The following MTMR3 variants were observed in gnomAD, a reference collection of about 807,000 sequenced individuals.
The protein encoded by MTMR3 is myotubularin related protein 3, also known as phosphatidylinositol-3,5-bisphosphate 3-phosphatase MTMR3.
In MTMR3, 32 loss-of-function variants were observed where a neutral mutation model predicts 132.4. That is an observed-to-expected ratio of 0.24 (90% confidence interval 0.18 to 0.32). MTMR3 has a LOEUF of 0.32. Ranked by LOEUF, MTMR3 falls within the 10% of genes least tolerant of loss-of-function variation. The pLI is 1.00. For synonymous variants in MTMR3, 556 were observed against 550.3 expected, an observed-to-expected ratio of 1.01 and a Z score of -0.14; for missense variants, 1,216 against 1,489.6, an observed-to-expected ratio of 0.82 and a Z score of 3.02.
At chr22:29,892,799 G>A (rs997143627) in intron 1 of MTMR3, among the ~76,000 whole-genome samples, 6 of 152,192 alleles carry the variant, frequency 3.9e-5, no homozygotes, top group Non-Finnish European at 8.8e-5. Context: ...AAAGAAATGA[G>A]ATAATTTATA....
intron 1 of MTMR3, among the ~76,000 whole-genome samples, chr22:29,930,560 C>T (rs1433660476): frequency 6.6e-6 from 1 of 152,060 alleles, no homozygotes; most frequent in African/African-American, 2.4e-5. Flanking sequence ...AGCGTGGTGG[C>T]ACATGTGTGT....
At chr22:29,897,944 A>G (rs1210979054) in intron 1 of MTMR3, among the ~76,000 whole-genome samples, 1 of 152,128 alleles carries the variant, frequency 6.6e-6, no homozygotes, top group Non-Finnish European at 1.5e-5. Flanking sequence ...TACTTTCTAT[A>G]ATTTGAAAAA....
chr22:29,897,566 C>T (rs1385579602), intron 1 of MTMR3, among the ~76,000 whole-genome samples: 4 of 152,026 alleles, frequency 2.6e-5, no homozygotes, highest in African/African-American at 9.7e-5. Flanking sequence ...GATTCTTGTG[C>T]CTCGGCCTTT....
chr22:29,956,454 C>G (rs1031887917), intron 1 of MTMR3, among the ~76,000 whole-genome samples: 1 of 152,012 alleles, frequency 6.6e-6, no homozygotes, highest in Non-Finnish European at 1.5e-5. Context: ...GCCATGTTCA[C>G]CAGGCTGGTC....
In MTMR3 at chr22:29,988,561, AGGTATGTGGTAT is replaced by A; in HGVS notation, c.293+7_293+18del. The A allele has an allele frequency of 6.2e-7, 1 of 1,607,676 alleles. No individual in the cohort carries two copies. Among genetic ancestry groups the A allele is most frequent in the Non-Finnish European group, 8.5e-7 (1 of 1,175,330 alleles). On this transcript the variant is annotated splice_donor_variant and splice_donor_5th_base_variant and coding_sequence_variant and intron_variant, in exon 6 of 20. Transcript: ENST00000401950. LOFTEE classifies it high-confidence loss of function. ...GACTTGCAAAGACTGCAAAGTTATC[AGGTATGTGGTAT>A]GGTATGTTTGTGTTGCTGTTTAGTG... is the stretch of plus-strand genomic sequence containing the variant.
intron 1 of MTMR3, among the ~76,000 whole-genome samples, chr22:29,941,723 G>T (rs576741679): frequency 2.2e-4 from 34 of 152,188 alleles, no homozygotes; most frequent in Admixed American, 1.4e-3. Flanking sequence ...GATAAGTAGA[G>T]ATTTTTAAAA....
Position 30,030,638 on chromosome 22 carries a change from C to CCG in MTMR3, c.*4837_*4838insCG, listed in dbSNP as rs777494343. On this transcript the variant is annotated 3_prime_UTR_variant, in exon 20 of 20. Transcript: ENST00000401950. ...AGAGGGGCTCTCAGCGAGGAGGGGG[C>CCG]GGGGGGGGGGTCACTATTTATCTTC... is the stretch of plus-strand genomic sequence containing the variant. 3 of 50,446 alleles carry CCG rather than the reference C, an allele frequency of 5.9e-5. No homozygotes were observed. The highest frequency in any genetic ancestry group is 1.5e-4 in the African/African-American group (2 of 13,068). The allele number at this position is 50,446 out of a possible 1,614,324, so 3.1% of individuals were successfully genotyped here.
chr22:29,883,638 C>G (rs2064600157), intron 1 of MTMR3, among the ~76,000 whole-genome samples: 1 of 152,144 alleles, frequency 6.6e-6, no homozygotes, highest in African/African-American at 2.4e-5. Context: ...GCTCGGGCTG[C>G]CTTCCCAGAC....
intron 7 of MTMR3, 143 bp from the exon 8 acceptor site, chr22:29,998,618 A>G (rs1189732666): frequency 2.5e-6 from 1 of 407,090 alleles, no homozygotes; most frequent in South Asian, 3.9e-5. Flanking sequence ...ACTCCGGCCT[A>G]TGTGACAGAG....
chr22:29,972,538 T>C (rs1406496592), intron 3 of MTMR3, among the ~76,000 whole-genome samples: 1 of 152,200 alleles, frequency 6.6e-6, no homozygotes, highest in Non-Finnish European at 1.5e-5. Flanking sequence ...AAATTCTCAT[T>C]TATAACTCTA....
intron 1 of MTMR3, among the ~76,000 whole-genome samples, chr22:29,928,674 T>G (rs36582): frequency 1.3e-5 from 2 of 151,226 alleles, no homozygotes; most frequent in Admixed American, 1.3e-4. Context: ...TTAAAAAAAA[T>G]TTTTTTTTAA....
At chr22:29,892,521 A>G (rs757115601) in intron 1 of MTMR3, among the ~76,000 whole-genome samples, 38 of 152,200 alleles carry the variant, frequency 2.5e-4, no homozygotes, top group Non-Finnish European at 1.0e-4. Context: ...GCCTGAGCCT[A>G]TAACAAACTT....
chr22:29,949,700 T>C (rs963837866), intron 1 of MTMR3, among the ~76,000 whole-genome samples: 2 of 152,110 alleles, frequency 1.3e-5, no homozygotes, highest in Non-Finnish European at 2.9e-5. Context: ...TTCGTGGAGA[T>C]TGATTATTTT....
intron 1 of MTMR3, among the ~76,000 whole-genome samples, chr22:29,944,326 G>A (rs1307715901): frequency 6.6e-6 from 1 of 151,814 alleles, no homozygotes; most frequent in African/African-American, 2.4e-5. Flanking sequence ...TCTACCCCAA[G>A]AACTTGTCAT....
At chr22:29,920,742 G>T (rs1021024857) in intron 1 of MTMR3, among the ~76,000 whole-genome samples, 34 of 152,148 alleles carry the variant, frequency 2.2e-4, no homozygotes, top group Admixed American at 2.6e-4. Context: ...TGTATAAATT[G>T]CATGTGGACT....
At chr22:29,957,415 G>GTATGTATT (rs1555905451) in intron 2 of MTMR3, among the ~76,000 whole-genome samples, 20 of 147,032 alleles carry the variant, frequency 1.4e-4, no homozygotes, top group African/African-American at 5.0e-4. Flanking sequence ...ATCTCCAGTT[G>GTATGTATT]TATTTATTTA....
At chr22:30,023,464 G>A in intron 19 of MTMR3, 1 of 1,614,116 alleles carries the variant, frequency 6.2e-7, no homozygotes, top group South Asian at 1.1e-5. Context: ...CAGGGACACT[G>A]ACCGTGTTGA....
chr22:29,937,575 G>A (rs947861324), intron 1 of MTMR3, among the ~76,000 whole-genome samples: 3 of 151,904 alleles, frequency 2.0e-5, no homozygotes, highest in Admixed American at 6.6e-5. Context: ...AGGTGCCGCC[G>A]CACCCAAACT....
At chr22:29,944,783 T>A (rs1189880223) in intron 1 of MTMR3, among the ~76,000 whole-genome samples, 2 of 152,222 alleles carry the variant, frequency 1.3e-5, no homozygotes, top group Non-Finnish European at 2.9e-5. Flanking sequence ...ACAGAACATG[T>A]AAACTCATTA....
Sources: allele counts gnomAD v4.1 joint callset (sites outside exome capture counted in the v4.1 genomes callset), GRCh38; gene constraint gnomAD v4.1.1; transcripts MANE v1.5; gene names NCBI Gene and HGNC (gene_info 2026-07-23, HGNC 2026-07-21).